Variants in CRYL1 observed in about 807,000 individuals in gnomAD.
The protein encoded by CRYL1 is lambda-crystallin homolog.
Under a neutral mutation model 36.6 loss-of-function variants are expected in CRYL1, and 29 were observed. That is an observed-to-expected ratio of 0.79 (90% CI 0.59 to 1.08). The LOEUF is 1.08. Among genes scored for constraint, CRYL1 ranks in the 50% least tolerant of loss-of-function variants. The pLI, the probability that CRYL1 is intolerant of heterozygous loss-of-function variation, is 0.00. For missense variants in CRYL1, 411 were observed against 407.9 expected, an observed-to-expected ratio of 1.01 and a Z score of -0.06; for synonymous variants, 152 against 151.5, an observed-to-expected ratio of 1.00 and a Z score of -0.02.
intron 2 of CRYL1, among the ~76,000 whole-genome samples, chr13:20,506,802 A>G (rs1007906968): frequency 6.6e-6 from 1 of 152,228 alleles, no homozygotes; most frequent in Non-Finnish European, 1.5e-5. Context: ...TACAGCCCAC[A>G]GGCCAAATCT....
rs531304300 is a variant in CRYL1, at chr13:20,431,876, CT to C, written c.633+225del. 6.4e-4 allele frequency: 950 copies of C among 1,485,402 alleles called. 2 individuals carry two copies. Among genetic ancestry groups the C allele is most frequent in the South Asian group, 1.4e-3 (109 of 77,994 alleles). The allele number at this position is 1,485,402 out of a possible 1,614,324, so 92.0% of individuals were successfully genotyped here. ...GTCATCGTGTCCTGGTATCAGGTGACTGTAAGAAGAACCTCTCAGGCAGACA... is the reference window on the plus strand; with the variant it reads ...GTCATCGTGTCCTGGTATCAGGTGACGTAAGAAGAACCTCTCAGGCAGACA... On this transcript the variant is annotated intron_variant, in intron 5 of 7. Transcript: ENST00000298248.
intron 1 of CRYL1, among the ~76,000 whole-genome samples, chr13:20,513,960 G>A (rs2033958571): frequency 6.6e-6 from 1 of 150,712 alleles, no homozygotes; most frequent in African/African-American, 2.4e-5. Context: ...AAGGGATAGG[G>A]GCCCGATATA....
intron 6 of CRYL1, among the ~76,000 whole-genome samples, chr13:20,409,233 AAAAC>A (rs1272422361): frequency 1.6e-4 from 24 of 147,090 alleles, no homozygotes; most frequent in Admixed American, 1.6e-3. Context: ...AAACCTGAGA[AAAAC>A]AAGCAATGGG....
At chr13:20,448,961 G>C (rs925212698) in intron 3 of CRYL1, among the ~76,000 whole-genome samples, 10 of 152,110 alleles carry the variant, frequency 6.6e-5, no homozygotes, top group African/African-American at 2.2e-4. Context: ...TGAGGTCAGG[G>C]GTTCGAGACC....
At position 20,455,158 on chromosome 13, in the gene CRYL1, A is replaced by T. The variant is rs138765055; in HGVS notation, c.277-15404T>A. On this transcript the variant is annotated intron_variant, in intron 3 of 7. Transcript: ENST00000298248. ...AGTAGCAATTAATAATGGAAAATCAAAAAAAATGTTAAATACCATTCACAA... is the reference window on the plus strand; with the variant it reads ...AGTAGCAATTAATAATGGAAAATCATAAAAAATGTTAAATACCATTCACAA... Among the ~76,000 whole-genome samples, 1,021 of 152,288 alleles carry T rather than the reference A, an allele frequency of 6.7e-3. 5 individuals are homozygous for T. Among genetic ancestry groups the T allele is most frequent in the South Asian group, 0.012 (57 of 4,820 alleles).
intron 6 of CRYL1, among the ~76,000 whole-genome samples, chr13:20,407,161 A>G (rs1364679283): frequency 6.6e-6 from 1 of 151,416 alleles, no homozygotes; most frequent in Admixed American, 6.6e-5. Flanking sequence ...AATTTTCCCC[A>G]TTTTTATTCA....
chr13:20,404,215 G>A lies in CRYL1; in HGVS notation c.874C>T (p.Pro292Ser). Reference sequence around the variant, plus strand: ...TGCCTCCTGGCAGCTAAGTGCTCCGGGTCATCAGGGACCTTCATGCACATG... The same window carrying A: ...TGCCTCCTGGCAGCTAAGTGCTCCGAGTCATCAGGGACCTTCATGCACATG... ...QDMCMKVPDD[P>S]EHLAARRQWR... Residue 292 changes from proline (P) to serine (S), a missense_variant, in exon 8 of 8, where the codon CCG becomes TCG. Pro to Ser is a moderately conservative substitution (Grantham distance 74). Coordinates refer to ENST00000298248, the MANE Select transcript of CRYL1 (RefSeq NM_015974.3). 2 of 1,613,510 alleles carry A rather than the reference G, an allele frequency of 1.2e-6. No homozygotes were observed. Among genetic ancestry groups the A allele is most frequent in the Non-Finnish European group, 1.7e-6 (2 of 1,179,550 alleles).
chr13:20,474,261 C>CT, intron 3 of CRYL1, among the ~76,000 whole-genome samples: 1 of 152,326 alleles, frequency 6.6e-6, no homozygotes, highest in African/African-American at 2.4e-5. Flanking sequence ...AAAGGGCTCA[C>CT]TAGGTATCTC....
At chr13:20,507,626 G>T (rs1183726172) in intron 2 of CRYL1, among the ~76,000 whole-genome samples, 1 of 152,172 alleles carries the variant, frequency 6.6e-6, no homozygotes. Flanking sequence ...CTGATTAAAA[G>T]TCCACGCCCA....
chr13:20,504,866 A>G (rs140764959), intron 2 of CRYL1, among the ~76,000 whole-genome samples: 47 of 152,204 alleles, frequency 3.1e-4, no homozygotes, highest in African/African-American at 1.1e-3. Context: ...AATTTCTTTT[A>G]TCTTCTAATG....
At chr13:20,459,192 C>T (rs1326565668) in intron 3 of CRYL1, among the ~76,000 whole-genome samples, 3 of 148,484 alleles carry the variant, frequency 2.0e-5, no homozygotes, top group Non-Finnish European at 3.0e-5. Flanking sequence ...GCCGAGTTCA[C>T]GCCGCTGTAC....
intron 3 of CRYL1, among the ~76,000 whole-genome samples, chr13:20,449,078 G>A (rs899446697): frequency 2.0e-5 from 3 of 152,228 alleles, no homozygotes; most frequent in Admixed American, 6.5e-5. Flanking sequence ...TGAGGCAGGA[G>A]AATCACTTGA....
chr13:20,455,831 G>A (rs2032670747), intron 3 of CRYL1, among the ~76,000 whole-genome samples: 1 of 152,196 alleles, frequency 6.6e-6, no homozygotes, highest in Non-Finnish European at 1.5e-5. Context: ...CTAATTTCAA[G>A]GCTTAATATA....
At chr13:20,430,734 T>A (rs1432388277) in intron 5 of CRYL1, 1 of 985,242 alleles carries the variant, frequency 1.0e-6, no homozygotes, top group East Asian at 1.1e-4. Context: ...CGCTAAAATA[T>A]CTTACAAATA....
intron 6 of CRYL1, among the ~76,000 whole-genome samples, chr13:20,405,608 T>G (rs1446524038): frequency 6.6e-6 from 1 of 152,196 alleles, no homozygotes; most frequent in Non-Finnish European, 1.5e-5. Context: ...GGCTTGTACC[T>G]TGCTGGTTTG....
intron 3 of CRYL1, among the ~76,000 whole-genome samples, chr13:20,473,940 A>C (rs1418365025): frequency 1.3e-5 from 2 of 152,344 alleles, no homozygotes; most frequent in African/African-American, 4.8e-5. Context: ...ATCGGGTATA[A>C]GTAACAGGGT....
At chr13:20,523,019 C>T (rs1241395763) in intron 1 of CRYL1, among the ~76,000 whole-genome samples, 8 of 144,818 alleles carry the variant, frequency 5.5e-5, no homozygotes, top group African/African-American at 2.0e-4. Context: ...TGAGTTCAAG[C>T]GATTCTCCTG....
chr13:20,435,963 G>A lies in CRYL1; in HGVS notation c.438+3630C>T, dbSNP rs924670722. Among the ~76,000 whole-genome samples, 3 of 152,206 alleles carry A rather than the reference G, an allele frequency of 2.0e-5. No individual in the cohort carries two copies. Among genetic ancestry groups the A allele is most frequent in the African/African-American group, 7.2e-5 (3 of 41,464 alleles). ...GGCGCGCTCGCAGGGAGGGCTCAAA[G>A]GCAGCTCGGAGCGGCCGCAGGGCCG... On this transcript the variant is annotated intron_variant, in intron 4 of 7. Transcript: ENST00000298248. This position sits in a 1 kb window ranked among gnomAD's most constrained non-coding sequence, Gnocchi z 4.0.
chr13:20,476,136 T>C (rs2033162420), intron 3 of CRYL1, among the ~76,000 whole-genome samples: 1 of 152,120 alleles, frequency 6.6e-6, no homozygotes, highest in Non-Finnish European at 1.5e-5. Context: ...GTGTCCCAGG[T>C]GTCTTCCCAC....
Sources: gnomAD v4.1 joint callset for allele counts (sites outside exome capture counted in the v4.1 genomes callset) on GRCh38, gnomAD v4.1.1 for gene constraint, Gnocchi (gnomAD v3.1) non-coding constraint, MANE v1.5 for transcripts, NCBI Gene and HGNC (gene_info 2026-07-23, HGNC 2026-07-21) for gene names.